Variants in DOCK3 observed in about 807,000 individuals in gnomAD.
DOCK3 encodes dedicator of cytokinesis protein 3.
Under a neutral mutation model 265.6 loss-of-function variants are expected in DOCK3, and 60 were observed. The observed-to-expected ratio is 0.23, with a 90% CI of 0.18 to 0.28. DOCK3 has a LOEUF of 0.28. Ranked by LOEUF, DOCK3 falls within the 10% of genes least tolerant of loss-of-function variation. The probability of loss-of-function intolerance (pLI) is 1.00; values close to 1 mark genes in which losing one functional copy is unlikely to be tolerated. For missense variants in DOCK3, 1,981 were observed against 2,594.3 expected (o/e 0.76, Z 5.14); for synonymous variants, 881 against 938.0 (o/e 0.94, Z 1.11).
At chr3:50,732,709 C>T (rs1270091066) in intron 1 of DOCK3, among the ~76,000 whole-genome samples, 2 of 152,088 alleles carry the variant, frequency 1.3e-5, no homozygotes, top group Non-Finnish European at 2.9e-5. Context: ...CTGTACCTGG[C>T]CATAAAAAAT....
chr3:51,383,005 TG>T lies in DOCK3; in HGVS notation c.*1448del, dbSNP rs2088758341. The T allele has an allele frequency of 6.6e-6, 1 of 152,248 alleles. No homozygotes were observed. The highest frequency in any genetic ancestry group is 1.5e-5 in the Non-Finnish European group (1 of 68,048). The allele number at this position is 152,248 out of a possible 1,614,324, so 9.4% of individuals were successfully genotyped here. A position where few individuals can be genotyped will look rare whatever the true frequency, so the allele number is the denominator to read the frequency against. On this transcript the variant is annotated 3_prime_UTR_variant, in exon 53 of 53. Coordinates refer to ENST00000266037, the MANE Select transcript of DOCK3 (RefSeq NM_004947.5). ...TATTTGCTCGAGTTCACATTAATGA[TG>T]GTCACAAGGCTGCCTTGTTGGGCAG...
intron 14 of DOCK3, among the ~76,000 whole-genome samples, chr3:51,221,103 T>C (rs559514101): frequency 1.3e-5 from 2 of 152,252 alleles, no homozygotes; most frequent in East Asian, 3.9e-4. Flanking sequence ...GTCACTGGTC[T>C]GTGACAGTGC....
chr3:51,094,121 C>G (rs997756542), intron 9 of DOCK3, among the ~76,000 whole-genome samples: 9 of 151,784 alleles, frequency 5.9e-5, no homozygotes, highest in African/African-American at 2.2e-4. Flanking sequence ...GATATTGGCC[C>G]GAAATTTTCT....
intron 33 of DOCK3, among the ~76,000 whole-genome samples, chr3:51,332,345 A>G (rs563479461): frequency 6.6e-6 from 1 of 152,366 alleles, no homozygotes; most frequent in African/African-American, 2.4e-5. Context: ...TGGAGAAGCC[A>G]GGGGCTGCCC....
intron 9 of DOCK3, among the ~76,000 whole-genome samples, chr3:51,140,969 A>G (rs1469485290): frequency 1.3e-5 from 2 of 152,134 alleles, no homozygotes; most frequent in Non-Finnish European, 2.9e-5. Flanking sequence ...AGAGAACTTT[A>G]TATATTATAG....
In DOCK3 at chr3:51,320,428, G is replaced by GT. The variant is rs146387402; in HGVS notation, c.3402+5311dup. Among the ~76,000 whole-genome samples the GT allele has an allele frequency of 5.4e-3, 788 of 146,470 alleles. 7 individuals carry two copies. The highest frequency in any genetic ancestry group is 7.4e-3 in the Admixed American group (109 of 14,642). On this transcript the variant is annotated intron_variant, in intron 32 of 52. Coordinates refer to ENST00000266037, the MANE Select transcript of DOCK3 (RefSeq NM_004947.5). ...AGCTAGCTGCAGGAGTTTTGTTTTT[G>GT]TTTTTTTTTTTCATACCCCAGGGCA...
chr3:51,059,167 G>A (rs962033406), intron 5 of DOCK3, among the ~76,000 whole-genome samples: 1 of 152,064 alleles, frequency 6.6e-6, no homozygotes, highest in Non-Finnish European at 1.5e-5. Context: ...ACTTGTAAAT[G>A]AGAACATACG....
chr3:51,304,776 C>T (rs990667275), intron 27 of DOCK3, among the ~76,000 whole-genome samples: 3 of 152,144 alleles, frequency 2.0e-5, no homozygotes, highest in Non-Finnish European at 2.9e-5. Context: ...CCTCACTTTC[C>T]GTGGGTCATG....
intron 21 of DOCK3, among the ~76,000 whole-genome samples, chr3:51,246,434 A>G (rs530220125): frequency 6.6e-6 from 1 of 152,184 alleles, no homozygotes; most frequent in South Asian, 2.1e-4. Flanking sequence ...AGGTTTCGCC[A>G]TGTTCCCCAG....
chr3:50,853,813 C>T (rs1216276293), intron 3 of DOCK3, among the ~76,000 whole-genome samples: 3 of 151,310 alleles, frequency 2.0e-5, no homozygotes, highest in African/African-American at 7.3e-5. Flanking sequence ...GTTTCTTTTC[C>T]TTTGGGTAGA....
intron 4 of DOCK3, among the ~76,000 whole-genome samples, chr3:50,927,621 T>C (rs1559825420): frequency 6.6e-6 from 1 of 152,238 alleles, no homozygotes; most frequent in Admixed American, 6.5e-5. Flanking sequence ...CTACTGTCTC[T>C]GGAAATTGAC....
intron 32 of DOCK3, among the ~76,000 whole-genome samples, chr3:51,324,097 A>G (rs1576802987): frequency 2.0e-5 from 3 of 152,346 alleles, no homozygotes; most frequent in South Asian, 2.1e-4. Flanking sequence ...AGATAAAGAA[A>G]TAAAGGGTAT....
At chr3:50,938,749 C>T (rs993799192) in intron 5 of DOCK3, among the ~76,000 whole-genome samples, 3 of 151,576 alleles carry the variant, frequency 2.0e-5, no homozygotes, top group African/African-American at 7.3e-5. Context: ...ACTGCAAAAG[C>T]ATTGTTGAAA....
At chr3:51,245,646 C>T (rs1165168846) in intron 21 of DOCK3, among the ~76,000 whole-genome samples, 2 of 151,964 alleles carry the variant, frequency 1.3e-5, no homozygotes, top group Admixed American at 1.3e-4. Context: ...CCGCCTCAGC[C>T]TCCTAGAGTG....
At chr3:50,960,827 T>C (rs2076865793) in intron 5 of DOCK3, among the ~76,000 whole-genome samples, 1 of 152,214 alleles carries the variant, frequency 6.6e-6, no homozygotes, top group African/African-American at 2.4e-5. Flanking sequence ...TTTAGACCTA[T>C]AATCCATTTT....
At chr3:50,802,304 A>G (rs1433594980) in intron 2 of DOCK3, among the ~76,000 whole-genome samples, 1 of 152,022 alleles carries the variant, frequency 6.6e-6, no homozygotes, top group African/African-American at 2.4e-5. Context: ...GGTGTTTTAC[A>G]TTGATAAGGT....
Position 50,683,276 on chromosome 3 carries a change from G to A in DOCK3, c.37+7976G>A, listed in dbSNP as rs570994747. 1.6e-4 allele frequency among the ~76,000 whole-genome samples: 24 copies of A among 152,220 alleles called. No individual in the cohort carries two copies. The South Asian group carries it at 2.1e-3, about 13-fold the overall frequency. ...CATTTAAAAAGTATTTTATATTTCC[G>A]TTAACATTAACACTGTATTTAGCTC... On this transcript the variant is annotated intron_variant, in intron 1 of 52. Transcript: ENST00000266037.
At chr3:51,071,323 G>T (rs1212836330) in intron 6 of DOCK3, among the ~76,000 whole-genome samples, 1 of 152,158 alleles carries the variant, frequency 6.6e-6, no homozygotes, top group Non-Finnish European at 1.5e-5. Flanking sequence ...TCAATGATGG[G>T]TGAGAGAAGA....
chr3:50,777,619 G>T (rs2041679438), intron 1 of DOCK3, among the ~76,000 whole-genome samples: 1 of 152,040 alleles, frequency 6.6e-6, no homozygotes, highest in African/African-American at 2.4e-5. Flanking sequence ...TTCTTGTAGA[G>T]ATCTTTAATT....
Sources: gnomAD v4.1 joint callset for allele counts (sites outside exome capture counted in the v4.1 genomes callset) on GRCh38, gnomAD v4.1.1 for gene constraint, MANE v1.5 for transcripts, NCBI Gene and HGNC (gene_info 2026-07-23, HGNC 2026-07-21) for gene names.